The following ERI1 variants were observed in gnomAD, a reference collection of about 807,000 sequenced individuals.
ERI1 encodes the protein exoribonuclease 1, also known as 3'-5' exoribonuclease 1.
A neutral mutation model predicts 39.7 loss-of-function variants in ERI1; 39 were observed. The observed-to-expected ratio is 0.98, with a 90% confidence interval of 0.76 to 1.28. The LOEUF (loss-of-function observed/expected upper bound fraction) is 1.28, where lower values mean the gene tolerates loss of function less well. Ranked by LOEUF, ERI1 falls within the 50% of genes most tolerant of loss-of-function variation. The pLI, the probability that ERI1 is intolerant of heterozygous loss-of-function variation, is 0.00. For synonymous variants in ERI1, 204 were observed against 149.6 expected, an observed-to-expected ratio of 1.36 and a Z score of -2.65; for missense variants, 581 against 416.9, an observed-to-expected ratio of 1.39 and a Z score of -3.43.
At chr8:9,034,921 G>A (rs1011233958), downstream of ERI1, among the ~76,000 whole-genome samples, 5 of 152,216 alleles carry the variant, frequency 3.3e-5, no homozygotes, top group African/African-American at 7.2e-5. Context: ...AAGCAAAACA[G>A]CCTTATTACT....
Position 9,011,475 on chromosome 8 carries a change from A to G in ERI1, c.288-67A>G, listed in dbSNP as rs111831308. Reference sequence around the variant, plus strand: ...TGTCAGTGTTCAGCCCAGTGCCAGCAGGTGAGAGTTTTGATTCTTGACTGT... The same window carrying G: ...TGTCAGTGTTCAGCCCAGTGCCAGCGGGTGAGAGTTTTGATTCTTGACTGT... On this transcript the variant is annotated intron_variant, in intron 2 of 6. Transcript: ENST00000250263. 8.9e-5 allele frequency: 93 copies of G among 1,042,772 alleles called. No homozygotes were observed. The African/African-American group carries it at 1.3e-3, about 14-fold the overall frequency. 64.6% of individuals were successfully genotyped at this position (1,042,772 alleles called of 1,614,324 possible).
intron 3 of ERI1, among the ~76,000 whole-genome samples, chr8:9,070,683 G>A (rs1486642917): frequency 6.6e-6 from 1 of 152,130 alleles, no homozygotes; most frequent in East Asian, 1.9e-4. Flanking sequence ...CTTACGCAGT[G>A]GAGTCCATCC....
Position 9,067,498 on chromosome 8 carries a change from T to C in ERI1, n.299+47034T>C, listed in dbSNP as rs550380624. On this transcript the variant is annotated intron_variant and non_coding_transcript_variant, in intron 3 of 3. Transcript: ENST00000518663. Reference sequence around the variant, plus strand: ...AGAGAAACCCCATCTCTACAAAAGATGCAAAAATTAGCTGGGCATGGTGGC... The same window carrying C: ...AGAGAAACCCCATCTCTACAAAAGACGCAAAAATTAGCTGGGCATGGTGGC... 2.0e-5 allele frequency among the ~76,000 whole-genome samples: 3 copies of C among 151,324 alleles called. No homozygotes were observed. The South Asian group carries it at 6.3e-4, about 32-fold the overall frequency.
In ERI1 at chr8:9,010,328, A is replaced by AT. The variant is rs1491293465; in HGVS notation, c.288-1213dup. Among the ~76,000 whole-genome samples, 7 of 152,290 alleles carry AT rather than the reference A, an allele frequency of 4.6e-5. No individual in the cohort carries two copies. The East Asian group carries it at 1.4e-3, about 29-fold the overall frequency. On this transcript the variant is annotated intron_variant, in intron 2 of 6. Transcript: ENST00000250263. ...CACAACAATAACAACCAATAAAAAGATAAAAAAAGAAAGTAATCCAAAGCT... is the reference window on the plus strand; with the variant it reads ...CACAACAATAACAACCAATAAAAAGATTAAAAAAAGAAAGTAATCCAAAGCT...
downstream of ERI1, among the ~76,000 whole-genome samples, chr8:9,037,458 T>G (rs1029293602): frequency 2.0e-5 from 3 of 152,058 alleles, no homozygotes; most frequent in Non-Finnish European, 4.4e-5. Context: ...CATTGGGCCC[T>G]TCATTTGTGC....
chr8:9,027,512 T>C (rs924740207), intron 6 of ERI1, among the ~76,000 whole-genome samples: 1 of 152,216 alleles, frequency 6.6e-6, no homozygotes, highest in Non-Finnish European at 1.5e-5. Flanking sequence ...ATTTTTTCTT[T>C]TGTTGCCTGT....
At chr8:9,033,812 C>G (rs367712442), downstream of ERI1, among the ~76,000 whole-genome samples, 1 of 152,136 alleles carries the variant, frequency 6.6e-6, no homozygotes, top group African/African-American at 2.4e-5. Flanking sequence ...TTGGCTTAAC[C>G]TGATATTCCA....
Position 9,022,277 on chromosome 8 carries a change from T to A in ERI1, c.807+1813T>A, listed in dbSNP as rs1300870917. On this transcript the variant is annotated intron_variant, in intron 6 of 6. Coordinates refer to ENST00000250263, the MANE Select transcript of ERI1 (RefSeq NM_153332.4). The stretch of plus-strand genomic sequence containing the variant: ...CCCCTTATTTAAATTTCTGACTGTT[T>A]TAAAAAAAATTGGGTAGTCTGTTTT... Among the ~76,000 whole-genome samples, 7 of 152,336 alleles carry A rather than the reference T, an allele frequency of 4.6e-5. No homozygotes were observed. The East Asian group carries it at 1.2e-3, about 25-fold the overall frequency.
At chr8:9,052,363 C>T (rs1798384815) in intron 3 of ERI1, among the ~76,000 whole-genome samples, 2 of 151,886 alleles carry the variant, frequency 1.3e-5, no homozygotes, top group Admixed American at 1.3e-4. Context: ...TTGAGTCAGG[C>T]GTCTCTTGCT....
At chr8:9,099,930 G>C (rs959226550) in intron 3 of ERI1, 3 of 152,194 alleles carry the variant, frequency 2.0e-5, no homozygotes, top group Admixed American at 1.3e-4. Flanking sequence ...CCATCATTCT[G>C]TTCATGTCAG....
At chr8:9,095,583 G>A (rs1445356456) in intron 3 of ERI1, among the ~76,000 whole-genome samples, 1 of 152,012 alleles carries the variant, frequency 6.6e-6, no homozygotes, top group Non-Finnish European at 1.5e-5. Context: ...ATGGTTTACT[G>A]CAGCCTCAAC....
At chr8:9,069,501 G>T (rs117200771) in intron 3 of ERI1, among the ~76,000 whole-genome samples, 252 of 152,264 alleles carry the variant, frequency 1.7e-3, no homozygotes, top group Middle Eastern at 3.4e-3. Flanking sequence ...TTAGTTATGG[G>T]CATCAAACAT....
intron 3 of ERI1, among the ~76,000 whole-genome samples, chr8:9,063,512 C>T (rs1291718363): frequency 6.6e-5 from 10 of 152,016 alleles, no homozygotes; most frequent in Non-Finnish European, 8.8e-5. Context: ...GGACCTAGCT[C>T]GGCCTGGCAA....
rs991810654 is a variant in ERI1 at position 9,031,037 on chromosome 8, A to G, written c.*1003A>G. 6.6e-6 allele frequency: 1 copy of G among 152,220 alleles called. No individual in the cohort carries two copies. Among genetic ancestry groups the G allele is most frequent in the African/African-American group, 2.4e-5 (1 of 41,466 alleles). The allele number at this position is 152,220 out of a possible 1,614,324, so 9.4% of individuals were successfully genotyped here. The stretch of plus-strand genomic sequence containing the variant: ...TAATTCTTAACTAATTCTAAAAACT[A>G]AAATGTGCATTTCGACTTGATAAGG... On this transcript the variant is annotated 3_prime_UTR_variant, in exon 7 of 7. Transcript: ENST00000250263.
chr8:9,086,367 T>C (rs1799526165), intron 3 of ERI1, among the ~76,000 whole-genome samples: 1 of 151,922 alleles, frequency 6.6e-6, no homozygotes, highest in South Asian at 2.1e-4. Context: ...CTGGGTAATA[T>C]GGCAAAACCC....
At chr8:9,017,526 AAGTC>A (rs1817435701) in intron 4 of ERI1, among the ~76,000 whole-genome samples, 1 of 152,172 alleles carries the variant, frequency 6.6e-6, no homozygotes, top group African/African-American at 2.4e-5. Context: ...TAGGCCTAAT[AAGTC>A]AGTGTTTTAT....
At chr8:9,010,530 C>G (rs1474887347) in intron 2 of ERI1, among the ~76,000 whole-genome samples, 1 of 151,808 alleles carries the variant, frequency 6.6e-6, no homozygotes, top group South Asian at 2.1e-4. Flanking sequence ...TTTTTCAGTG[C>G]TTAATTGTAT....
intron 2 of ERI1, among the ~76,000 whole-genome samples, chr8:9,009,941 C>T (rs1563310908): frequency 6.6e-6 from 1 of 152,180 alleles, no homozygotes; most frequent in Non-Finnish European, 1.5e-5. Context: ...GAACTCTATG[C>T]TGAAGTCTGC....
At chr8:9,093,066 A>T (rs867132052) in intron 3 of ERI1, among the ~76,000 whole-genome samples, 1 of 152,330 alleles carries the variant, frequency 6.6e-6, no homozygotes, top group East Asian at 1.9e-4. Context: ...TTATAAGGAC[A>T]TCAGTCATAT....
Sources: gnomAD v4.1 joint callset for allele counts (sites outside exome capture counted in the v4.1 genomes callset) on GRCh38, gnomAD v4.1.1 for gene constraint, MANE v1.5 for transcripts, NCBI Gene and HGNC (gene_info 2026-07-23, HGNC 2026-07-21) for gene names.